CDKAL1: variants seen among roughly 807,000 people sequenced by gnomAD.
The protein encoded by CDKAL1 is threonylcarbamoyladenosine tRNA methylthiotransferase.
A neutral mutation model predicts 68.2 loss-of-function variants in CDKAL1; 32 were observed. That is an observed-to-expected ratio of 0.47 (90% CI 0.35 to 0.63). CDKAL1 has a LOEUF of 0.63. Among genes scored for constraint, CDKAL1 ranks in the 30% least tolerant of loss-of-function variants. The pLI, the probability that CDKAL1 is intolerant of heterozygous loss-of-function variation, is 0.00. For missense variants in CDKAL1, 606 were observed against 696.7 expected, an observed-to-expected ratio of 0.87 and a Z score of 1.47; for synonymous variants, 234 against 244.3, an observed-to-expected ratio of 0.96 and a Z score of 0.39.
At position 20,935,045 on chromosome 6, in the gene CDKAL1, G is replaced by T. The variant is rs1212683529; in HGVS notation, c.743-20374G>T. Among the ~76,000 whole-genome samples the T allele has an allele frequency of 2.6e-5, 4 of 151,712 alleles. No homozygotes were observed. In the South Asian group the frequency reaches 8.3e-4, roughly 32 times the overall value. ...TGAGTATCTGGGACTACAGGCACGT[G>T]CCAACACACCCAGCTAATTTTTGTA... On this transcript the variant is annotated intron_variant, in intron 9 of 15. Transcript: ENST00000274695.
chr6:20,928,896 T>C (rs976822624), intron 9 of CDKAL1, among the ~76,000 whole-genome samples: 1 of 152,132 alleles, frequency 6.6e-6, no homozygotes, highest in Non-Finnish European at 1.5e-5. Context: ...ATGAACCTTT[T>C]TCATACACAA....
At chr6:20,926,811 A>C (rs1763206411) in intron 9 of CDKAL1, among the ~76,000 whole-genome samples, 1 of 151,748 alleles carries the variant, frequency 6.6e-6, no homozygotes, top group South Asian at 2.1e-4. Flanking sequence ...TAGTGGGCTA[A>C]GTGAGACTTC....
chr6:20,931,576 A>G (rs2150674989), intron 9 of CDKAL1, among the ~76,000 whole-genome samples: 1 of 152,308 alleles, frequency 6.6e-6, no homozygotes, highest in South Asian at 2.1e-4. Flanking sequence ...TCTCCGTGGC[A>G]TGTGATTATC....
chr6:21,212,697 T>C (rs1779197843), intron 15 of CDKAL1, among the ~76,000 whole-genome samples: 1 of 152,194 alleles, frequency 6.6e-6, no homozygotes, highest in South Asian at 2.1e-4. Flanking sequence ...TGTTTAAAAT[T>C]TTTTTCATTA....
At position 21,113,306 on chromosome 6, in the gene CDKAL1, TA is replaced by T. The variant is rs1376186240; in HGVS notation, c.1299+4845del. Among the ~76,000 whole-genome samples, 3 of 152,112 alleles carry T rather than the reference TA, an allele frequency of 2.0e-5. No individual in the cohort carries two copies. In the East Asian group the frequency reaches 5.8e-4, roughly 29 times the overall value. ...AAAAGTCTCAGGAACTGCTGCTTCTTAATAAGGTAGGGTAAATGAAGTATTA... is the reference window on the plus strand; with the variant it reads ...AAAAGTCTCAGGAACTGCTGCTTCTTATAAGGTAGGGTAAATGAAGTATTA... On this transcript the variant is annotated intron_variant, in intron 13 of 15. Transcript: ENST00000274695.
chr6:20,985,469 A>G (rs1188433493), intron 10 of CDKAL1, among the ~76,000 whole-genome samples: 3 of 151,894 alleles, frequency 2.0e-5, no homozygotes, highest in Non-Finnish European at 4.4e-5. Context: ...AATTTTTTGT[A>G]TTTTTAGTAG....
chr6:20,777,672 C>T (rs1775231310), intron 7 of CDKAL1, among the ~76,000 whole-genome samples: 1 of 151,990 alleles, frequency 6.6e-6, no homozygotes, highest in African/African-American at 2.4e-5. Flanking sequence ...ATTATAGCAC[C>T]ATATTTTTAG....
intron 13 of CDKAL1, among the ~76,000 whole-genome samples, chr6:21,164,431 C>A (rs1242958872): frequency 6.6e-6 from 1 of 151,872 alleles, no homozygotes; most frequent in African/African-American, 2.4e-5. Context: ...TGCCTCATAC[C>A]CTATAGCAGC....
intron 10 of CDKAL1, among the ~76,000 whole-genome samples, chr6:20,960,953 C>A (rs1765027119): frequency 6.6e-6 from 1 of 152,146 alleles, no homozygotes; most frequent in Non-Finnish European, 1.5e-5. Flanking sequence ...TAACTTCTTT[C>A]TCCTCTTCCT....
At chr6:21,183,674 A>G (rs752866257) in intron 13 of CDKAL1, among the ~76,000 whole-genome samples, 17 of 152,184 alleles carry the variant, frequency 1.1e-4, no homozygotes, top group Non-Finnish European at 2.2e-4. Flanking sequence ...TTAGTTAAAT[A>G]TAGACCATCC....
intron 11 of CDKAL1, among the ~76,000 whole-genome samples, chr6:21,010,683 A>G (rs1485454880): frequency 6.6e-6 from 1 of 152,192 alleles, no homozygotes; most frequent in Non-Finnish European, 1.5e-5. Context: ...TCGACTTTGC[A>G]GTAATATCGA....
At chr6:21,198,176 AT>A in intron 14 of CDKAL1, 72 bp downstream of exon 14, 2 of 987,558 alleles carry the variant, frequency 2.0e-6, no homozygotes, top group Admixed American at 2.1e-5. Context: ...AGCAAAGGGC[AT>A]TTAAAGGGGA....
intron 11 of CDKAL1, among the ~76,000 whole-genome samples, chr6:21,002,945 C>T (rs937189191): frequency 3.3e-5 from 5 of 151,794 alleles, no homozygotes; most frequent in East Asian, 2.0e-4. Context: ...GCCAAGATTA[C>T]GCCACTGCAC....
intron 12 of CDKAL1, among the ~76,000 whole-genome samples, chr6:21,092,618 C>T (rs2150971787): frequency 6.6e-6 from 1 of 151,618 alleles, no homozygotes; most frequent in South Asian, 2.1e-4. Context: ...TACCAAATTC[C>T]TGAGGAAAGC....
intron 15 of CDKAL1, among the ~76,000 whole-genome samples, chr6:21,222,272 G>A (rs1374997048): frequency 6.6e-6 from 1 of 152,112 alleles, no homozygotes; most frequent in Non-Finnish European, 1.5e-5. Context: ...TTACACATTT[G>A]GGGTGAAAGG....
At chr6:20,593,839 C>T (rs1241183542) in intron 4 of CDKAL1, among the ~76,000 whole-genome samples, 1 of 152,222 alleles carries the variant, frequency 6.6e-6, no homozygotes, top group African/African-American at 2.4e-5. Flanking sequence ...CCTCCAAACA[C>T]TGCTTTATCT....
At position 21,030,179 on chromosome 6, in the gene CDKAL1, C is replaced by T. The variant is rs147699458; in HGVS notation, c.1055+29807C>T. Among the ~76,000 whole-genome samples, 908 of 152,172 alleles carry T rather than the reference C, an allele frequency of 6.0e-3. 18 individuals are homozygous for T. Among genetic ancestry groups the T allele is most frequent in the Admixed American group, 0.043 (650 of 15,266 alleles). The stretch of plus-strand genomic sequence containing the variant: ...AGGAATGAGATCATGTTCTTTGCAG[C>T]GACATAGATGAGATTGGAAGCCATC... On this transcript the variant is annotated intron_variant, in intron 11 of 15. Transcript: ENST00000274695.
Position 21,156,044 on chromosome 6 carries a change from T to C in CDKAL1, c.1300-41977T>C, listed in dbSNP as rs562444426. ...ATAGGGAGGGGAGCGTTCACTGATA[T>C]TTCAAAAACTGAAAATGTATTACGA... On this transcript the variant is annotated intron_variant, in intron 13 of 15. Transcript: ENST00000274695. Among the ~76,000 whole-genome samples, 166 of 152,276 alleles carry C rather than the reference T, an allele frequency of 1.1e-3. 3 individuals are homozygous for C. The highest frequency in any genetic ancestry group is 5.8e-4 in the East Asian group (3 of 5,182).
intron 9 of CDKAL1, among the ~76,000 whole-genome samples, chr6:20,858,935 A>G (rs530874080): frequency 1.3e-5 from 2 of 152,286 alleles, no homozygotes; most frequent in African/African-American, 4.8e-5. Context: ...TGCTAGTTTA[A>G]TATTTTCTAT....
Sources: gnomAD v4.1 joint callset for allele counts (sites outside exome capture counted in the v4.1 genomes callset) on GRCh38, gnomAD v4.1.1 for gene constraint, MANE v1.5 for transcripts, NCBI Gene and HGNC (gene_info 2026-07-23, HGNC 2026-07-21) for gene names.